The following AFDN variants were observed in gnomAD, a reference collection of about 807,000 sequenced individuals.
AFDN encodes afadin, adherens junction formation factor.
In AFDN, 68 loss-of-function variants were observed where a neutral mutation model predicts 216.6. That is an observed-to-expected ratio of 0.31 (90% CI 0.26 to 0.38). AFDN has a LOEUF of 0.38. AFDN is among the 10% of genes least tolerant of loss of function. The probability of loss-of-function intolerance (pLI) is 1.00; values close to 1 mark genes in which losing one functional copy is unlikely to be tolerated. For missense variants in AFDN, 2,136 were observed against 2,342.0 expected, an observed-to-expected ratio of 0.91 and a Z score of 1.82; for synonymous variants, 868 against 853.7, an observed-to-expected ratio of 1.02 and a Z score of -0.29.
intron 6 of AFDN, among the ~76,000 whole-genome samples, chr6:167,886,616 T>G (rs1188043779): frequency 1.3e-5 from 2 of 152,228 alleles, no homozygotes; most frequent in South Asian, 2.1e-4. Flanking sequence ...ATAAGAGAGA[T>G]AATTTACCTA....
rs749764157 is a variant in AFDN at position 167,914,181 on chromosome 6, T to G, written c.2072T>G (p.Ile691Ser). 4 of 1,613,982 alleles carry G rather than the reference T, an allele frequency of 2.5e-6. No homozygotes were observed. In the African/African-American group the frequency reaches 5.3e-5, roughly 22 times the overall value. The change falls in exon 17 of 34, where the codon ATT (isoleucine) becomes AGT (serine). Residue 691 changes from isoleucine (I) to serine (S), a missense_variant. Physicochemically the swap from Ile to Ser is moderately radical, Grantham distance 142. Transcript: ENST00000683244. ...VDQVDQKQKN[I>S]AGALAFWMAN... ...TTCTGTCTACAGAAACAGAAGAATA[T>G]TGCAGGGGCACTTGCCTTCTGGATG...
chr6:167,870,362 T>C, intron 2 of AFDN, 24 bp from the exon 3 acceptor site: 1 of 1,455,078 alleles, frequency 6.9e-7, no homozygotes. Context: ...CTTATTCTTT[T>C]TTTCATTTCA....
At chr6:167,942,052 C>T (rs1480744500) in intron 23 of AFDN, among the ~76,000 whole-genome samples, 5 of 152,238 alleles carry the variant, frequency 3.3e-5, no homozygotes, top group Admixed American at 6.5e-5. Context: ...ATTTGACCTG[C>T]TACAGGCGTT....
At chr6:167,860,715 T>C (rs1783462220) in intron 1 of AFDN, among the ~76,000 whole-genome samples, 1 of 152,192 alleles carries the variant, frequency 6.6e-6, no homozygotes, top group African/African-American at 2.4e-5. Context: ...TGCTGCACTG[T>C]AGGACAGACA....
At chr6:167,937,404 C>T (rs910266990) in intron 23 of AFDN, among the ~76,000 whole-genome samples, 1 of 152,132 alleles carries the variant, frequency 6.6e-6, no homozygotes, top group Non-Finnish European at 1.5e-5. Flanking sequence ...CTCTAATAAT[C>T]ATGAATGCTT....
rs531642394 is a variant in AFDN at position 167,861,607 on chromosome 6, T to C, written c.106-2944T>C. On this transcript the variant is annotated intron_variant, in intron 1 of 33. Coordinates refer to ENST00000683244, the MANE Select transcript of AFDN (RefSeq NM_001386888.1). Reference sequence around the variant, plus strand: ...GGCAGTAATTTATATGTAAGGAATTTTCATGAAGGTGACTTTAAGTGGATT... The same window carrying C: ...GGCAGTAATTTATATGTAAGGAATTCTCATGAAGGTGACTTTAAGTGGATT... Among the ~76,000 whole-genome samples, 10 of 152,320 alleles carry C rather than the reference T, an allele frequency of 6.6e-5. No individual in the cohort carries two copies. The East Asian group carries it at 1.4e-3, about 21-fold the overall frequency.
intron 1 of AFDN, among the ~76,000 whole-genome samples, chr6:167,848,941 T>C (rs565534003): frequency 1.3e-5 from 2 of 152,316 alleles, no homozygotes; most frequent in South Asian, 4.1e-4. Flanking sequence ...ACTGGGTGTT[T>C]TCCACCCTTA....
chr6:167,905,261 C>T (rs1434047431), intron 12 of AFDN, among the ~76,000 whole-genome samples: 1 of 152,180 alleles, frequency 6.6e-6, no homozygotes, highest in Non-Finnish European at 1.5e-5. Context: ...GTGAACTCTG[C>T]AAGTGGGGCT....
At chr6:167,965,141 A>T in intron 31 of AFDN, 1 of 876,992 alleles carries the variant, frequency 1.1e-6, no homozygotes, top group Non-Finnish European at 1.4e-6. Context: ...CTTTGGGAGA[A>T]TGAGTGTTTT....
At chr6:167,942,567 C>G (rs143620931) in intron 23 of AFDN, among the ~76,000 whole-genome samples, 1 of 152,240 alleles carries the variant, frequency 6.6e-6, no homozygotes, top group African/African-American at 2.4e-5. Flanking sequence ...GTCTATGTAA[C>G]AGAATTTTAT....
Position 167,945,101 on chromosome 6 carries a change from ATGT to A in AFDN, c.3358+1046_3358+1048del, listed in dbSNP as rs538293319. 4.5e-3 allele frequency among the ~76,000 whole-genome samples: 682 copies of A among 152,276 alleles called. 1 individual carries two copies. The highest frequency in any genetic ancestry group is 0.014 in the Middle Eastern group (4 of 294). On this transcript the variant is annotated intron_variant, in intron 26 of 33. Transcript: ENST00000683244. ...GTAACACTTGGCTTAAAACACAAAC[ATGT>A]TGTACAACTGTACAAAATATTTTCG... is the stretch of plus-strand genomic sequence containing the variant.
intron 30 of AFDN, among the ~76,000 whole-genome samples, chr6:167,957,762 GCAGCTTTGCC>G (rs1217833344): frequency 1.4e-5 from 1 of 73,918 alleles, no homozygotes; most frequent in African/African-American, 3.9e-5. Context: ...GACTGTGGCT[GCAGCTTTGCC>G]TGGCTGCAGC....
chr6:167,964,385 C>G, intron 31 of AFDN: 3 of 1,064,536 alleles, frequency 2.8e-6, no homozygotes, highest in Non-Finnish European at 3.4e-6. Flanking sequence ...TACTAAGATT[C>G]TTGATAGTTC....
chr6:167,940,287 G>A (rs1263220446), intron 23 of AFDN, among the ~76,000 whole-genome samples: 9 of 136,376 alleles, frequency 6.6e-5, no homozygotes. Flanking sequence ...GGGTGAGGGT[G>A]GAAGCCATCC....
chr6:167,964,978 GA>G, intron 31 of AFDN: 4 of 1,052,098 alleles, frequency 3.8e-6, no homozygotes, highest in East Asian at 5.4e-5. Context: ...ATGTATGTCA[GA>G]AAAAAATGTA....
At position 167,889,207 on chromosome 6, in the gene AFDN, T is replaced by C. The variant is rs149239078; in HGVS notation, c.898-8T>C. ...CACATTCATAGTTAATTATTTTTGT[T>C]TTTTTAGGTTATGCTTCCTCCTGGA... On this transcript the variant is annotated splice_polypyrimidine_tract_variant and splice_region_variant and intron_variant, in intron 6 of 33. Transcript: ENST00000683244. The C allele has an allele frequency of 2.7e-4, 432 of 1,607,426 alleles. 1 individual carries two copies. In the East Asian group the frequency reaches 8.4e-3, roughly 31 times the overall value.
Position 167,948,466 on chromosome 6 carries a change from T to C in AFDN, c.3819T>C (p.Ser1273=). 1.2e-6 allele frequency: 2 copies of C among 1,613,842 alleles called. No homozygotes were observed. Among genetic ancestry groups the C allele is most frequent in the South Asian group, 1.1e-5 (1 of 90,996 alleles). Residue 1273 remains serine (S), a synonymous_variant, in exon 29 of 34, where the codon AGT becomes AGC. Coordinates refer to ENST00000683244, the MANE Select transcript of AFDN (RefSeq NM_001386888.1). ...TGCACACAGATAGTAATCATTCCAGTATTGCAATTCAGGTTAGAAATCAAA... is the reference window on the plus strand; with the variant it reads ...TGCACACAGATAGTAATCATTCCAGCATTGCAATTCAGGTTAGAAATCAAA... ...PHMHTDSNHS[S]IAIQRVTRSQ...
chr6:167,851,782 C>G (rs932457214), intron 1 of AFDN, among the ~76,000 whole-genome samples: 3 of 152,150 alleles, frequency 2.0e-5, no homozygotes, highest in Non-Finnish European at 4.4e-5. Context: ...ACACCTGTTG[C>G]TTGTTGAGTG....
chr6:167,971,552 T>G lies in AFDN; in HGVS notation c.*1617T>G, dbSNP rs1448240218. On this transcript the variant is annotated 3_prime_UTR_variant, in exon 34 of 34. Transcript: ENST00000683244. The stretch of plus-strand genomic sequence containing the variant: ...ATTTGCTTGCTTGCAGCAGAAGTTC[T>G]AGGAAAAGCAGGCACCTCCCAAATA... 1 of 194,892 alleles carries G rather than the reference T, an allele frequency of 5.1e-6. No homozygotes were observed. The highest frequency in any genetic ancestry group is 1.1e-5 in the Non-Finnish European group (1 of 93,980). The allele number at this position is 194,892 out of a possible 1,614,324, so 12.1% of individuals were successfully genotyped here.
Sources: allele counts gnomAD v4.1 joint callset (sites outside exome capture counted in the v4.1 genomes callset), GRCh38; gene constraint gnomAD v4.1.1; transcripts MANE v1.5; gene names NCBI Gene and HGNC (gene_info 2026-07-23, HGNC 2026-07-21).